Variants in NEDD9 observed in about 807,000 individuals in gnomAD.
NEDD9 encodes the protein enhancer of filamentation 1.
A neutral mutation model predicts 76.6 loss-of-function variants in NEDD9; 26 were observed. The ratio of observed to expected loss-of-function variants is 0.34; its 90% confidence interval spans 0.25 to 0.47. The LOEUF is 0.47. Among genes scored for constraint, NEDD9 ranks in the 20% least tolerant of loss-of-function variants. The pLI is 1.00. For synonymous variants in NEDD9, 392 were observed against 414.2 expected, an observed-to-expected ratio of 0.95 and a Z score of 0.65; for missense variants, 937 against 1,058.5, an observed-to-expected ratio of 0.89 and a Z score of 1.59.
chr6:11,192,119 T>C (rs1758159316), intron 4 of NEDD9, among the ~76,000 whole-genome samples: 1 of 152,236 alleles, frequency 6.6e-6, no homozygotes, highest in South Asian at 2.1e-4. Flanking sequence ...CCTAGTGTTT[T>C]TTAGTTGGGG....
chr6:11,197,601 G>A (rs189869193), intron 2 of NEDD9, among the ~76,000 whole-genome samples: 2 of 152,292 alleles, frequency 1.3e-5, no homozygotes, highest in Admixed American at 1.3e-4. Flanking sequence ...AGAAAAGGAA[G>A]AATCCATTTA....
intron 2 of NEDD9, among the ~76,000 whole-genome samples, chr6:11,326,444 G>A (rs1329839314): frequency 6.6e-6 from 1 of 152,202 alleles, no homozygotes; most frequent in East Asian, 1.9e-4. Context: ...GGCAGACAAG[G>A]AAAAGGGTTT....
intron 2 of NEDD9, among the ~76,000 whole-genome samples, chr6:11,313,563 G>C (rs779289974): frequency 6.6e-6 from 1 of 150,466 alleles, no homozygotes; most frequent in East Asian, 1.9e-4. Context: ...TAGATGGGTG[G>C]ATAGATGAAT....
chr6:11,360,419 T>G (rs983773863), intron 1 of NEDD9, among the ~76,000 whole-genome samples: 2 of 152,178 alleles, frequency 1.3e-5, no homozygotes, highest in Admixed American at 6.5e-5. Flanking sequence ...GGTGACATGG[T>G]TTCCTCTGTG....
At chr6:11,297,576 ATT>A (rs1760928438) in intron 3 of NEDD9, among the ~76,000 whole-genome samples, 2 of 152,118 alleles carry the variant, frequency 1.3e-5, no homozygotes, top group Non-Finnish European at 2.9e-5. Context: ...CCCAAGGCTC[ATT>A]CTCCCACCAG....
chr6:11,263,273 G>T (rs1350296452), intron 3 of NEDD9, among the ~76,000 whole-genome samples: 2 of 152,188 alleles, frequency 1.3e-5, no homozygotes, highest in African/African-American at 4.8e-5. Flanking sequence ...ACTCAAAGAG[G>T]TTCAAGAGTC....
At chr6:11,229,606 G>A (rs1269728925) in intron 1 of NEDD9, among the ~76,000 whole-genome samples, 2 of 152,192 alleles carry the variant, frequency 1.3e-5, no homozygotes, top group Non-Finnish European at 2.9e-5. Context: ...TTAAGAACAT[G>A]CTCTGTATAT....
intron 1 of NEDD9, among the ~76,000 whole-genome samples, chr6:11,219,187 A>G (rs3734405): frequency 0.17 from 24,993 of 151,294 alleles, 2,338 homozygotes; most frequent in Non-Finnish European, 0.21. Context: ...CCCACCTCCA[A>G]CTCCTCCCTG....
chr6:11,269,545 T>G (rs1760261744), intron 3 of NEDD9, among the ~76,000 whole-genome samples: 2 of 152,210 alleles, frequency 1.3e-5, no homozygotes, highest in African/African-American at 4.8e-5. Flanking sequence ...TAAATACAGG[T>G]TTCCAATTGC....
At chr6:11,193,527 C>G (rs544527655) in intron 3 of NEDD9, 64 bp downstream of exon 3, 26 of 1,276,028 alleles carry the variant, frequency 2.0e-5, no homozygotes, top group Non-Finnish European at 1.0e-5. Context: ...CTTTTCTCTA[C>G]AGCCCTGAAG....
At chr6:11,224,315 C>G (rs567019173) in intron 1 of NEDD9, among the ~76,000 whole-genome samples, 106 of 152,308 alleles carry the variant, frequency 7.0e-4, no homozygotes, top group Non-Finnish European at 1.2e-3. Context: ...AGAAGTCCAG[C>G]TCCACAGTGA....
intron 3 of NEDD9, among the ~76,000 whole-genome samples, chr6:11,246,593 G>T (rs1218194664): frequency 6.6e-6 from 1 of 152,172 alleles, no homozygotes; most frequent in African/African-American, 2.4e-5. Flanking sequence ...TTTCACAGTG[G>T]CATTTGAAGC....
At chr6:11,300,621 G>A (rs1372988341) in intron 3 of NEDD9, among the ~76,000 whole-genome samples, 4 of 152,138 alleles carry the variant, frequency 2.6e-5, no homozygotes, top group Non-Finnish European at 5.9e-5. Flanking sequence ...GAGAAAGGTC[G>A]GGTTACCCAC....
intron 1 of NEDD9, among the ~76,000 whole-genome samples, chr6:11,215,380 G>A (rs540118663): frequency 1.7e-4 from 26 of 152,322 alleles, no homozygotes; most frequent in African/African-American, 5.1e-4. Context: ...GTTTCACTGG[G>A]TAGTTAATAT....
chr6:11,296,756 T>C (rs1760905733), intron 3 of NEDD9, among the ~76,000 whole-genome samples: 1 of 150,898 alleles, frequency 6.6e-6, no homozygotes, highest in Non-Finnish European at 1.5e-5. Context: ...TGAGACAAAG[T>C]CTTGCTCTAT....
rs1759636514 is a variant in NEDD9, at chr6:11,237,844, C to T, written c.13-24117G>A. Among the ~76,000 whole-genome samples, 2 of 152,124 alleles carry T rather than the reference C, an allele frequency of 1.3e-5. No individual in the cohort carries two copies. The highest frequency in any genetic ancestry group is 2.1e-4 in the South Asian group (1 of 4,824). On this transcript the variant is annotated intron_variant, in intron 3 of 3. Transcript: ENST00000397378. This position sits in a 1 kb window ranked among gnomAD's most constrained non-coding sequence, Gnocchi z 4.9. ...GTTCAGAATAAAGTATAGATCTTTCCACATCTACAGGGGAACAATCTGGAA... is the reference window on the plus strand; with the variant it reads ...GTTCAGAATAAAGTATAGATCTTTCTACATCTACAGGGGAACAATCTGGAA...
In NEDD9 at chr6:11,199,637, CTTTTTTTTTTTTTTTTTTTTTTTTTT is replaced by C. The variant is rs59651160; in HGVS notation, c.460-5971_460-5946del. On this transcript the variant is annotated intron_variant, in intron 2 of 6. Coordinates refer to ENST00000379446, the MANE Select transcript of NEDD9 (RefSeq NM_006403.4). ...AAAATGAAGAAAAGCTAGGAAAGAT[CTTTTTTTTTTTTTTTTTTTTTTTTTT>C]TTTTTTTTTTTTTTTGAGACAGAGT... The C allele has an allele frequency of 4.2e-4, 18 of 43,146 alleles. No homozygotes were observed. In the South Asian group the frequency reaches 6.2e-3, roughly 15 times the overall value. The allele number at this position is 43,146 out of a possible 1,614,324, so 2.7% of individuals were successfully genotyped here. A position where few individuals can be genotyped will look rare whatever the true frequency, so the allele number is the denominator to read the frequency against.
In NEDD9 at chr6:11,190,076, G is replaced by C. The variant is rs1362804669; in HGVS notation, c.1793C>G (p.Ala598Gly). ...GCCTGGGGGCAGTGCCTTGTTGTGG[G>C]CCTGGGCCTTGTGGTCACCAGGATG... Reference protein sequence around the residue: ...LLHPGDHKAQAHNKALPPGLS... With the variant: ...LLHPGDHKAQGHNKALPPGLS... Residue 598 changes from alanine to glycine, a missense_variant, in exon 5 of 7, where the codon GCC becomes GGC. Ala to Gly is a moderately conservative substitution (Grantham distance 60). Coordinates refer to ENST00000379446, the MANE Select transcript of NEDD9 (RefSeq NM_006403.4). The surrounding 1 kb of genome is among the most constrained non-coding windows in gnomAD (Gnocchi z 5.8). 5 of 1,604,474 alleles carry C rather than the reference G, an allele frequency of 3.1e-6. No individual in the cohort carries two copies. Among genetic ancestry groups the C allele is most frequent in the Non-Finnish European group, 4.3e-6 (5 of 1,174,828 alleles).
chr6:11,362,965 C>T (rs1402723232), intron 1 of NEDD9, among the ~76,000 whole-genome samples: 2 of 152,166 alleles, frequency 1.3e-5, no homozygotes, highest in Non-Finnish European at 2.9e-5. Context: ...TACTCTACAA[C>T]CATATGGCAA....
Sources: allele counts gnomAD v4.1 joint callset (sites outside exome capture counted in the v4.1 genomes callset), GRCh38; gene constraint gnomAD v4.1.1; non-coding constraint Gnocchi (gnomAD v3.1); transcripts MANE v1.5; gene names NCBI Gene and HGNC (gene_info 2026-07-23, HGNC 2026-07-21).